SH3BP4: variants seen among roughly 807,000 people sequenced by gnomAD.
SH3BP4 encodes the protein SH3 domain binding protein 4.
In SH3BP4, 33 loss-of-function variants were observed where a neutral mutation model predicts 65.5. The ratio of observed to expected loss-of-function variants is 0.50; its 90% CI spans 0.38 to 0.67. The LOEUF (loss-of-function observed/expected upper bound fraction) is 0.67, where lower values mean the gene tolerates loss of function less well. SH3BP4 is among the 30% of genes least tolerant of loss of function. SH3BP4 has a pLI of 0.00. For missense variants in SH3BP4, 1,134 were observed against 1,261.4 expected, an observed-to-expected ratio of 0.90 and a Z score of 1.53; for synonymous variants, 552 against 545.5, an observed-to-expected ratio of 1.01 and a Z score of -0.17.
intron 1 of SH3BP4, among the ~76,000 whole-genome samples, chr2:234,961,364 T>C (rs980753622): frequency 5.9e-5 from 9 of 151,906 alleles, no homozygotes; most frequent in Non-Finnish European, 1.2e-4. Context: ...CTCCACCCAC[T>C]GAGTTGAAGT....
intron 1 of SH3BP4, among the ~76,000 whole-genome samples, chr2:234,958,163 A>G (rs1312023299): frequency 2.0e-5 from 3 of 152,160 alleles, no homozygotes; most frequent in African/African-American, 7.2e-5. Context: ...GATGAAGGAA[A>G]GAGAAACCCT....
chr2:235,000,585 G>A (rs1329755271), intron 2 of SH3BP4, among the ~76,000 whole-genome samples: 4 of 152,192 alleles, frequency 2.6e-5, no homozygotes, highest in Non-Finnish European at 4.4e-5. Context: ...TCTCTGAGCC[G>A]CTGACATGGA....
chr2:234,959,288 C>G (rs546860922), intron 1 of SH3BP4, among the ~76,000 whole-genome samples: 1 of 152,288 alleles, frequency 6.6e-6, no homozygotes, highest in African/African-American at 2.4e-5. Context: ...CAGGGCGCTG[C>G]TTGGGGGCAG....
chr2:234,982,486 A>G (rs138417563), intron 1 of SH3BP4, among the ~76,000 whole-genome samples: 2 of 152,266 alleles, frequency 1.3e-5, no homozygotes, highest in Non-Finnish European at 2.9e-5. Context: ...CACAGGAGAA[A>G]TTAAACCATC....
rs1365668063 is a variant in SH3BP4 at position 235,019,431 on chromosome 2, GA to G, written c.-132-15438del. Reference sequence around the variant, plus strand: ...TGATGGGCTTGACGGTGGGAAGGGCGAATTTTTTTTTTTTTTTTTTTTGAGA... The same window carrying G: ...TGATGGGCTTGACGGTGGGAAGGGCGATTTTTTTTTTTTTTTTTTTTGAGA... On this transcript the variant is annotated intron_variant, in intron 2 of 5. Transcript: ENST00000392011. Among the ~76,000 whole-genome samples, 6 of 140,230 alleles carry G rather than the reference GA, an allele frequency of 4.3e-5. 1 individual carries two copies. Among genetic ancestry groups the G allele is most frequent in the Admixed American group, 1.6e-4 (2 of 12,544 alleles). The allele number at this position is 140,230 out of a possible 152,430, so 92.0% of individuals were successfully genotyped here.
chr2:234,991,279 C>G lies in SH3BP4; in HGVS notation c.-206-4024C>G, dbSNP rs1458219086. Among the ~76,000 whole-genome samples, 1 of 152,084 alleles carries G rather than the reference C, an allele frequency of 6.6e-6. No homozygotes were observed. Among genetic ancestry groups the G allele is most frequent in the Non-Finnish European group, 1.5e-5 (1 of 68,016 alleles). On this transcript the variant is annotated intron_variant, in intron 1 of 5. Coordinates refer to ENST00000392011, the MANE Select transcript of SH3BP4 (RefSeq NM_014521.3). This position sits in a 1 kb window ranked among gnomAD's most constrained non-coding sequence, Gnocchi z 4.2. ...AGCCTCATATCATTTATCCACTCACCCTCCCAGACCCTCTGAGGTGGGATC... is the reference window on the plus strand; with the variant it reads ...AGCCTCATATCATTTATCCACTCACGCTCCCAGACCCTCTGAGGTGGGATC...
At chr2:235,044,495 C>T (rs1194129369) in intron 4 of SH3BP4, among the ~76,000 whole-genome samples, 2 of 152,208 alleles carry the variant, frequency 1.3e-5, no homozygotes, top group African/African-American at 4.8e-5. Context: ...CGGAGTCCAC[C>T]CCTATCCTCC....
intron 1 of SH3BP4, among the ~76,000 whole-genome samples, chr2:234,989,010 G>A (rs1693670764): frequency 6.6e-6 from 1 of 152,198 alleles, no homozygotes; most frequent in Non-Finnish European, 1.5e-5. Flanking sequence ...CAAATACGTT[G>A]TCAGTGTGTA....
At chr2:234,983,824 A>G (rs1693463728) in intron 1 of SH3BP4, among the ~76,000 whole-genome samples, 2 of 152,216 alleles carry the variant, frequency 1.3e-5, no homozygotes, top group African/African-American at 4.8e-5. Flanking sequence ...GATGCAGGAA[A>G]GGGCAGGGCC....
chr2:235,033,327 G>C lies in SH3BP4; in HGVS notation c.-132-1544G>C, dbSNP rs1054414915. Among the ~76,000 whole-genome samples, 3 of 152,196 alleles carry C rather than the reference G, an allele frequency of 2.0e-5. No homozygotes were observed. The highest frequency in any genetic ancestry group is 1.3e-4 in the Admixed American group (2 of 15,286). On this transcript the variant is annotated intron_variant, in intron 2 of 5. Coordinates refer to ENST00000392011, the MANE Select transcript of SH3BP4 (RefSeq NM_014521.3). The surrounding 1 kb of genome is among the most constrained non-coding windows in gnomAD (Gnocchi z 5.7). ...GAGGGAGAGAGAACGGAAGCTCTCT[G>C]GTGTCTCAAATAAAGGCGCTGATCT...
intron 1 of SH3BP4, among the ~76,000 whole-genome samples, chr2:234,990,862 CT>C (rs1693726911): frequency 6.6e-6 from 1 of 152,216 alleles, no homozygotes; most frequent in African/African-American, 2.4e-5. Flanking sequence ...CCAGCCCTTT[CT>C]CCCTTAGCAT....
chr2:235,007,978 C>T (rs544462095), intron 2 of SH3BP4, among the ~76,000 whole-genome samples: 8 of 152,242 alleles, frequency 5.3e-5, no homozygotes, highest in South Asian at 2.1e-4. Context: ...AAGGACCAGC[C>T]GTTGGGGGTG....
At position 235,042,452 on chromosome 2, in the gene SH3BP4, A is replaced by G; in HGVS notation, c.1683A>G (p.Gly561=). 1 of 1,614,124 alleles carries G rather than the reference A, an allele frequency of 6.2e-7. No individual in the cohort carries two copies. Among genetic ancestry groups the G allele is most frequent in the East Asian group, 2.2e-5 (1 of 44,870 alleles). ...GCGAGCAGGCCAAAGTGGTGCGAGGATTCCAGCTGAAGCTGGGCAAGGTGA... is the reference window on the plus strand; with the variant it reads ...GCGAGCAGGCCAAAGTGGTGCGAGGGTTCCAGCTGAAGCTGGGCAAGGTGA... ...KASEQAKVVR[G]FQLKLGKVSR... is the part of the protein sequence containing the mutation. Residue 561 remains glycine, a synonymous_variant, in exon 4 of 6, where the codon GGA becomes GGG. Transcript: ENST00000392011. The surrounding 1 kb of genome is among the most constrained non-coding windows in gnomAD (Gnocchi z 7.3).
At chr2:234,972,759 G>T (rs1004008545) in intron 1 of SH3BP4, among the ~76,000 whole-genome samples, 3 of 152,144 alleles carry the variant, frequency 2.0e-5, no homozygotes, top group South Asian at 4.1e-4. Context: ...AATTGTTTTA[G>T]ATAGTGTGTG....
At position 234,997,185 on chromosome 2, in the gene SH3BP4, C is replaced by A. The variant is rs745717333; in HGVS notation, c.-133+1809C>A. ...CGTGGGTCCCCACAGCAGTTAGAGA[C>A]CATCCACAGGCCACCACACTTTAAG... On this transcript the variant is annotated intron_variant, in intron 2 of 5. Transcript: ENST00000392011. This position sits in a 1 kb window ranked among gnomAD's most constrained non-coding sequence, Gnocchi z 4.2. Among the ~76,000 whole-genome samples the A allele has an allele frequency of 1.3e-5, 2 of 152,184 alleles. No individual in the cohort carries two copies. The highest frequency in any genetic ancestry group is 2.4e-5 in the African/African-American group (1 of 41,450).
At chr2:234,993,739 A>T (rs1202342319) in intron 1 of SH3BP4, among the ~76,000 whole-genome samples, 1 of 152,316 alleles carries the variant, frequency 6.6e-6, no homozygotes, top group South Asian at 2.1e-4. Flanking sequence ...TTTGAGAGAC[A>T]TTCTGAAGAG....
In SH3BP4 at chr2:235,042,119, C is replaced by T. The variant is rs201095699; in HGVS notation, c.1350C>T (p.Tyr450=). 1.2e-4 allele frequency: 194 copies of T among 1,613,986 alleles called. No homozygotes were observed. The highest frequency in any genetic ancestry group is 4.5e-4 in the East Asian group (20 of 44,876). ...TGCACAACCTGGAGCCCTGTATGTACGTGGCTGTCGTGGCCCATGGCCCAA... is the reference window on the plus strand; with the variant it reads ...TGCACAACCTGGAGCCCTGTATGTATGTGGCTGTCGTGGCCCATGGCCCAA... The part of the protein sequence containing the change: ...AQLHNLEPCM[Y]VAVVAHGPSI... The change falls in exon 4 of 6, where the codon TAC becomes TAT. Residue 450 remains tyrosine, a synonymous_variant. Transcript: ENST00000392011. This position sits in a 1 kb window ranked among gnomAD's most constrained non-coding sequence, Gnocchi z 7.3.
intron 2 of SH3BP4, 46 bp downstream of exon 2, chr2:234,995,422 C>G (rs896403148): frequency 6.6e-6 from 1 of 152,208 alleles, no homozygotes; most frequent in Non-Finnish European, 1.5e-5. Context: ...TACCTGGACC[C>G]GCTTTACCAT....
intron 2 of SH3BP4, among the ~76,000 whole-genome samples, chr2:235,011,963 C>T (rs569623365): frequency 1.4e-4 from 21 of 152,298 alleles, no homozygotes; most frequent in African/African-American, 4.3e-4. Context: ...CTTGCTGACC[C>T]GGAGCACACA....
Sources: allele counts gnomAD v4.1 joint callset (sites outside exome capture counted in the v4.1 genomes callset), GRCh38; gene constraint gnomAD v4.1.1; non-coding constraint Gnocchi (gnomAD v3.1); transcripts MANE v1.5; gene names NCBI Gene and HGNC (gene_info 2026-07-23, HGNC 2026-07-21).